The following SGCZ variants were observed in gnomAD, a reference collection of about 807,000 sequenced individuals.
The protein encoded by SGCZ is sarcoglycan zeta.
In SGCZ, 40 loss-of-function variants were observed where a neutral mutation model predicts 41.3. The observed-to-expected ratio is 0.97, with a 90% CI of 0.75 to 1.26. The LOEUF (loss-of-function observed/expected upper bound fraction) is 1.26. Among genes scored for constraint, SGCZ ranks in the 50% most tolerant of loss-of-function variants. The pLI is 0.00. For synonymous variants in SGCZ, 206 were observed against 137.5 expected (o/e 1.50, Z -3.49); for missense variants, 552 against 369.8 (o/e 1.49, Z -4.04).
At chr8:15,223,907 T>G (rs1801687853) in intron 1 of SGCZ, among the ~76,000 whole-genome samples, 2 of 150,616 alleles carry the variant, frequency 1.3e-5, no homozygotes, top group Admixed American at 6.6e-5. Context: ...CTCGGCAGAG[T>G]GCAACGGTGC....
chr8:14,527,921 G>C (rs1438197637), intron 2 of SGCZ, among the ~76,000 whole-genome samples: 1 of 152,008 alleles, frequency 6.6e-6, no homozygotes. Flanking sequence ...AGGTGGGGGA[G>C]TAATACCATG....
intron 1 of SGCZ, among the ~76,000 whole-genome samples, chr8:15,169,619 C>G (rs909511033): frequency 2.0e-5 from 3 of 152,160 alleles, no homozygotes. Flanking sequence ...TAATAAACAA[C>G]AACCATTTAT....
At chr8:14,463,305 A>G (rs926058568) in intron 2 of SGCZ, among the ~76,000 whole-genome samples, 6 of 151,502 alleles carry the variant, frequency 4.0e-5, no homozygotes, top group Non-Finnish European at 7.4e-5. Flanking sequence ...TTCTGATTTT[A>G]AAACTTATTA....
chr8:15,233,786 T>C (rs1253974460), intron 1 of SGCZ, among the ~76,000 whole-genome samples: 1 of 152,186 alleles, frequency 6.6e-6, no homozygotes, highest in African/African-American at 2.4e-5. Context: ...GTTCATGTTC[T>C]GCAATTAGCA....
intron 2 of SGCZ, among the ~76,000 whole-genome samples, chr8:14,328,993 C>A (rs1802222175): frequency 6.6e-6 from 1 of 152,160 alleles, no homozygotes; most frequent in South Asian, 2.1e-4. Context: ...CTTCATCAGA[C>A]AACACAACCT....
intron 1 of SGCZ, among the ~76,000 whole-genome samples, chr8:14,647,230 GACC>G (rs1441679635): frequency 6.6e-6 from 1 of 151,934 alleles, no homozygotes; most frequent in Non-Finnish European, 1.5e-5. Flanking sequence ...AGAAAAATGA[GACC>G]ACACTCCTTC....
At chr8:14,594,943 C>A (rs67116586) in intron 1 of SGCZ, among the ~76,000 whole-genome samples, 18,785 of 151,830 alleles carry the variant, frequency 0.12, 1,508 homozygotes, top group South Asian at 0.21. Context: ...AGAGACTTGG[C>A]AAGGAGAAAA....
intron 1 of SGCZ, among the ~76,000 whole-genome samples, chr8:14,788,118 C>T (rs1184115922): frequency 1.3e-5 from 2 of 152,256 alleles, no homozygotes; most frequent in Admixed American, 1.3e-4. Flanking sequence ...TTTGTGATAT[C>T]ATTACCTAAA....
intron 5 of SGCZ, among the ~76,000 whole-genome samples, chr8:14,109,949 C>G (rs1029951991): frequency 6.6e-6 from 1 of 152,092 alleles, no homozygotes; most frequent in Non-Finnish European, 1.5e-5. Context: ...ATAGTGTTCT[C>G]TCTTCTCTCT....
At chr8:14,401,682 T>C (rs889369000) in intron 2 of SGCZ, among the ~76,000 whole-genome samples, 2 of 151,866 alleles carry the variant, frequency 1.3e-5, no homozygotes, top group Non-Finnish European at 2.9e-5. Flanking sequence ...TGATCCAGTC[T>C]ATCATTGTTG....
intron 1 of SGCZ, among the ~76,000 whole-genome samples, chr8:15,013,472 GA>G (rs1802912322): frequency 6.6e-6 from 1 of 152,166 alleles, no homozygotes; most frequent in Admixed American, 6.5e-5. Context: ...AAAGGCACGT[GA>G]AATCACTTAA....
intron 4 of SGCZ, among the ~76,000 whole-genome samples, chr8:14,188,859 T>C (rs1804998119): frequency 6.8e-6 from 1 of 146,400 alleles, no homozygotes; most frequent in Non-Finnish European, 1.5e-5. Flanking sequence ...GAGATGGAGT[T>C]TCGCTCTTGT....
intron 1 of SGCZ, among the ~76,000 whole-genome samples, chr8:14,822,762 A>G (rs1159854414): frequency 6.6e-6 from 1 of 152,148 alleles, no homozygotes; most frequent in African/African-American, 2.4e-5. Flanking sequence ...GAAAAAAAAA[A>G]GATATCCACA....
intron 1 of SGCZ, among the ~76,000 whole-genome samples, chr8:15,061,529 A>G (rs911957197): frequency 2.4e-5 from 3 of 123,446 alleles, no homozygotes; most frequent in African/African-American, 3.6e-5. Flanking sequence ...CTTACAGTAT[A>G]TAAAAAAAAA....
At chr8:14,427,042 G>C (rs1021684664) in intron 2 of SGCZ, among the ~76,000 whole-genome samples, 3 of 139,034 alleles carry the variant, frequency 2.2e-5, no homozygotes, top group Non-Finnish European at 4.9e-5. Context: ...ATGAATGAAT[G>C]AATGAATGAA....
At chr8:14,826,206 A>T (rs1427490976) in intron 1 of SGCZ, among the ~76,000 whole-genome samples, 2 of 151,180 alleles carry the variant, frequency 1.3e-5, no homozygotes, top group African/African-American at 2.4e-5. Flanking sequence ...TCCTTGCGAT[A>T]GTTTGCTGAG....
chr8:14,249,309 G>A (rs1412755261), intron 3 of SGCZ, among the ~76,000 whole-genome samples: 2 of 152,138 alleles, frequency 1.3e-5, no homozygotes, highest in Non-Finnish European at 2.9e-5. Flanking sequence ...AGGCCTTCAT[G>A]TTTGGTTTAG....
intron 3 of SGCZ, among the ~76,000 whole-genome samples, chr8:14,294,997 G>T (rs1800963427): frequency 6.6e-6 from 1 of 151,958 alleles, no homozygotes. Flanking sequence ...AATGCAAAAT[G>T]ATATAATTTG....
Position 14,865,816 on chromosome 8 carries a change from T to A in SGCZ, c.40-310890A>T, listed in dbSNP as rs533043810. ...CTAATTAAAGGAATTCTCTGGTGAA[T>A]CTCTTATAAAGGAAAGAATTCTCTG... On this transcript the variant is annotated intron_variant, in intron 1 of 7. Transcript: ENST00000382080. Among the ~76,000 whole-genome samples, 4 of 152,210 alleles carry A rather than the reference T, an allele frequency of 2.6e-5. No individual in the cohort carries two copies. The East Asian group carries it at 7.7e-4, about 29-fold the overall frequency.
Sources: gnomAD v4.1 joint callset for allele counts (sites outside exome capture counted in the v4.1 genomes callset) on GRCh38, gnomAD v4.1.1 for gene constraint, MANE v1.5 for transcripts, NCBI Gene and HGNC (gene_info 2026-07-23, HGNC 2026-07-21) for gene names.